Variants in CNBD2 observed in about 807,000 individuals in gnomAD.
CNBD2 encodes cyclic nucleotide binding domain containing 2, also known as cyclic nucleotide-binding domain-containing protein 2.
Under a neutral mutation model 63.7 loss-of-function variants are expected in CNBD2, and 64 were observed. The ratio of observed to expected loss-of-function variants is 1.00; its 90% confidence interval spans 0.82 to 1.24. CNBD2 has a LOEUF of 1.24. CNBD2 is among the 50% of genes most tolerant of loss of function. The pLI is 0.00. For synonymous variants in CNBD2, 229 were observed against 255.4 expected (o/e 0.90, Z 0.99); for missense variants, 691 against 713.5 (o/e 0.97, Z 0.36).
intron 2 of CNBD2, among the ~76,000 whole-genome samples, chr20:35,962,583 C>T (rs898413364): frequency 6.6e-6 from 1 of 152,098 alleles, no homozygotes; most frequent in African/African-American, 2.4e-5. Flanking sequence ...CTAAGGTCCC[C>T]AGGACATTGG....
chr20:35,996,816 CTT>C (rs1007273214), intron 8 of CNBD2, among the ~76,000 whole-genome samples: 1 of 152,114 alleles, frequency 6.6e-6, no homozygotes, highest in Non-Finnish European at 1.5e-5. Flanking sequence ...CCTAATAACT[CTT>C]TAAGAAGGTA....
intron 10 of CNBD2, among the ~76,000 whole-genome samples, chr20:36,018,557 G>C (rs1292837534): frequency 6.6e-6 from 1 of 152,190 alleles, no homozygotes; most frequent in Admixed American, 6.5e-5. Context: ...AATGAGAGTG[G>C]TAACTGCTTG....
intron 4 of CNBD2, among the ~76,000 whole-genome samples, chr20:35,982,071 A>C (rs2056605304): frequency 6.6e-6 from 1 of 152,178 alleles, no homozygotes; most frequent in African/African-American, 2.4e-5. Context: ...GATGGAACAA[A>C]GTGGGTATCA....
chr20:35,997,218 T>G (rs2056837097), intron 8 of CNBD2, among the ~76,000 whole-genome samples: 1 of 152,152 alleles, frequency 6.6e-6, no homozygotes, highest in African/African-American at 2.4e-5. Context: ...ATCTCTTACC[T>G]CCTGCTCAGT....
chr20:35,993,983 G>A (rs903496704), intron 7 of CNBD2, among the ~76,000 whole-genome samples: 3 of 144,528 alleles, frequency 2.1e-5, no homozygotes, highest in Admixed American at 7.2e-5. Flanking sequence ...CAAGTGATTC[G>A]ATTCTCCTGC....
chr20:36,027,346 C>A (rs1053224704), intron 11 of CNBD2, among the ~76,000 whole-genome samples: 1 of 152,198 alleles, frequency 6.6e-6, no homozygotes, highest in Non-Finnish European at 1.5e-5. Flanking sequence ...ACAAAAGGCT[C>A]TGACGTGAGA....
chr20:35,981,846 G>T (rs2056603319), intron 4 of CNBD2, among the ~76,000 whole-genome samples: 1 of 152,176 alleles, frequency 6.6e-6, no homozygotes. Context: ...GCCTGGTGTG[G>T]TCCTCTGTCT....
intron 10 of CNBD2, among the ~76,000 whole-genome samples, chr20:36,014,251 T>C (rs978981533): frequency 3.3e-5 from 5 of 151,042 alleles, no homozygotes; most frequent in Non-Finnish European, 7.4e-5. Flanking sequence ...TGTCAGATAA[T>C]AGGGCCTAAA....
chr20:35,987,987 A>G (rs1469693519), intron 7 of CNBD2, among the ~76,000 whole-genome samples: 1 of 151,870 alleles, frequency 6.6e-6, no homozygotes, highest in African/African-American at 2.4e-5. Context: ...CTTCTGCCTC[A>G]CCCTCCTGAG....
downstream of CNBD2, among the ~76,000 whole-genome samples, chr20:35,955,521 TAGG>T (rs2056247259): frequency 6.6e-6 from 1 of 152,178 alleles, no homozygotes; most frequent in Non-Finnish European, 1.5e-5. Flanking sequence ...TCAGAGTTGT[TAGG>T]AGGATTAAAT....
chr20:35,960,879 C>T (rs2056303527), intron 2 of CNBD2, among the ~76,000 whole-genome samples: 1 of 149,238 alleles, frequency 6.7e-6, no homozygotes, highest in African/African-American at 2.5e-5. Context: ...TTCCTCTCCT[C>T]TCCTCTCCTC....
chr20:36,009,395 G>C (rs2057028042), intron 9 of CNBD2, among the ~76,000 whole-genome samples: 2 of 151,718 alleles, frequency 1.3e-5, no homozygotes, highest in South Asian at 4.2e-4. Flanking sequence ...GTAGAGACGA[G>C]GTTTCACCGT....
At chr20:35,973,585 A>G (rs1425049405) in intron 2 of CNBD2, 4 of 151,986 alleles carry the variant, frequency 2.6e-5, no homozygotes, top group Non-Finnish European at 5.9e-5. Context: ...AATTTTTTGT[A>G]TTTTTAGTAG....
downstream of CNBD2, among the ~76,000 whole-genome samples, chr20:35,959,940 T>TA (rs1027906027): frequency 2.0e-5 from 3 of 152,252 alleles, no homozygotes; most frequent in Admixed American, 6.5e-5. Context: ...GCTGAACACT[T>TA]AGATTATTTC....
chr20:36,012,822 C>CAAAA (rs141479430), intron 10 of CNBD2, among the ~76,000 whole-genome samples: 2 of 87,188 alleles, frequency 2.3e-5, no homozygotes, highest in East Asian at 3.4e-4. Flanking sequence ...AAATCCGTCT[C>CAAAA]AAAAAAAAAA....
At chr20:36,010,019 G>C (rs2057037687) in intron 9 of CNBD2, among the ~76,000 whole-genome samples, 1 of 152,160 alleles carries the variant, frequency 6.6e-6, no homozygotes, top group Admixed American at 6.5e-5. Flanking sequence ...ATTCAAACCT[G>C]AGCAGCTCAG....
chr20:35,955,873 C>G (rs2056251296), downstream of CNBD2, among the ~76,000 whole-genome samples: 1 of 152,206 alleles, frequency 6.6e-6, no homozygotes, highest in Non-Finnish European at 1.5e-5. Flanking sequence ...GCGCCCACCA[C>G]CACACCCGGC....
At chr20:35,967,662 G>T (rs1212328987), upstream of CNBD2, among the ~76,000 whole-genome samples, 2 of 152,012 alleles carry the variant, frequency 1.3e-5, no homozygotes, top group African/African-American at 4.8e-5. Context: ...AGACCAGCCT[G>T]GGCAACGTGG....
chr20:35,967,239 C>CTTTTTTT (rs141881380), upstream of CNBD2, among the ~76,000 whole-genome samples: 3 of 86,992 alleles, frequency 3.4e-5, no homozygotes, highest in African/African-American at 1.0e-4. Flanking sequence ...CCCCCTCCCG[C>CTTTTTTT]TTTTTTTTTT....
Sources: gnomAD v4.1 joint callset for allele counts (sites outside exome capture counted in the v4.1 genomes callset) on GRCh38, gnomAD v4.1.1 for gene constraint, MANE v1.5 for transcripts, NCBI Gene and HGNC (gene_info 2026-07-23, HGNC 2026-07-21) for gene names.